MAPK4: variants seen among roughly 807,000 people sequenced by gnomAD.
The protein encoded by MAPK4 is mitogen-activated protein kinase 4, also known as Erk3-related.
In MAPK4, 22 loss-of-function variants were observed where a neutral mutation model predicts 47.7. That is an observed-to-expected ratio of 0.46 (90% CI 0.33 to 0.66). MAPK4 has a LOEUF of 0.66. Among genes scored for constraint, MAPK4 ranks in the 30% least tolerant of loss-of-function variants. The probability of loss-of-function intolerance (pLI) is 0.02; values close to 1 mark genes in which losing one functional copy is unlikely to be tolerated. For synonymous variants in MAPK4, 390 were observed against 365.7 expected, an observed-to-expected ratio of 1.07 and a Z score of -0.76; for missense variants, 736 against 831.7, an observed-to-expected ratio of 0.88 and a Z score of 1.42.
At position 50,691,656 on chromosome 18, in the gene MAPK4, C is replaced by T. The variant is rs996565094; in HGVS notation, c.547-23423C>T. 6.6e-5 allele frequency among the ~76,000 whole-genome samples: 10 copies of T among 152,198 alleles called. No homozygotes were observed. The East Asian group carries it at 1.9e-3, about 29-fold the overall frequency. The stretch of plus-strand genomic sequence containing the variant: ...GCAGTTTTCCAGAACCAATCATTCT[C>T]AAGTCAGGGCATATGGAAAAGAGAC... On this transcript the variant is annotated intron_variant, in intron 2 of 5. Coordinates refer to ENST00000400384, the MANE Select transcript of MAPK4 (RefSeq NM_002747.4).
chr18:50,604,874 CT>C (rs774016046), intron 1 of MAPK4, among the ~76,000 whole-genome samples: 10 of 152,226 alleles, frequency 6.6e-5, no homozygotes, highest in Non-Finnish European at 5.9e-5. Flanking sequence ...TCTGACTTGT[CT>C]TGTGCAGAGA....
chr18:50,579,203 G>A (rs577796582), intron 1 of MAPK4, among the ~76,000 whole-genome samples: 12 of 152,240 alleles, frequency 7.9e-5, no homozygotes, highest in East Asian at 3.9e-4. Flanking sequence ...GAACATGCAC[G>A]TGCAGGAGAC....
At chr18:50,706,979 G>A (rs535853233) in intron 2 of MAPK4, among the ~76,000 whole-genome samples, 1 of 152,336 alleles carries the variant, frequency 6.6e-6, no homozygotes, top group South Asian at 2.1e-4. Flanking sequence ...TTATCAGACG[G>A]TGAGCTCTAG....
At chr18:50,712,645 C>T (rs536635218) in intron 2 of MAPK4, among the ~76,000 whole-genome samples, 1 of 151,998 alleles carries the variant, frequency 6.6e-6, no homozygotes, top group Non-Finnish European at 1.5e-5. Context: ...ATGTCAACAT[C>T]TTTCTTTTAC....
intron 1 of MAPK4, among the ~76,000 whole-genome samples, chr18:50,628,392 G>A (rs2042800176): frequency 6.6e-6 from 1 of 152,158 alleles, no homozygotes. Context: ...TGGGGCCTGG[G>A]TTCCCTTGAA....
chr18:50,583,158 G>A (rs773662914), intron 1 of MAPK4, among the ~76,000 whole-genome samples: 3 of 152,146 alleles, frequency 2.0e-5, no homozygotes, highest in Non-Finnish European at 4.4e-5. Flanking sequence ...TGAAAGAGGG[G>A]ACCCTGAAAG....
At chr18:50,562,505 A>C (rs1215281129) in intron 1 of MAPK4, among the ~76,000 whole-genome samples, 3 of 152,048 alleles carry the variant, frequency 2.0e-5, no homozygotes, top group Non-Finnish European at 1.5e-5. Context: ...GGGCCAGCTG[A>C]ACCTTCCAGC....
At chr18:50,627,329 G>A (rs747157264) in intron 1 of MAPK4, among the ~76,000 whole-genome samples, 5 of 152,198 alleles carry the variant, frequency 3.3e-5, no homozygotes, top group Admixed American at 6.5e-5. Context: ...GGTTCTGAAA[G>A]CAAGAAGCTG....
At chr18:50,661,987 G>A (rs929842122) in intron 1 of MAPK4, among the ~76,000 whole-genome samples, 16 of 152,124 alleles carry the variant, frequency 1.1e-4, no homozygotes, top group African/African-American at 3.9e-4. Context: ...CTTTACAGGC[G>A]ATCTGATTGT....
intron 2 of MAPK4, 123 bp from the exon 3 acceptor site, chr18:50,714,956 A>C: frequency 1.1e-6 from 1 of 943,512 alleles, no homozygotes; most frequent in Non-Finnish European, 1.6e-6. Flanking sequence ...TCAATGGGAA[A>C]GGGGCAAGAA....
intron 1 of MAPK4, among the ~76,000 whole-genome samples, chr18:50,652,915 A>T (rs1013442548): frequency 6.6e-6 from 1 of 152,154 alleles, no homozygotes; most frequent in Non-Finnish European, 1.5e-5. Flanking sequence ...CTGGGTATGG[A>T]TTACACCTGT....
chr18:50,677,779 T>C (rs1052181242), intron 2 of MAPK4, among the ~76,000 whole-genome samples: 3 of 152,162 alleles, frequency 2.0e-5, no homozygotes, highest in Non-Finnish European at 4.4e-5. Flanking sequence ...GGTCTCAAAC[T>C]CCTGAGCTCA....
intron 1 of MAPK4, among the ~76,000 whole-genome samples, chr18:50,658,803 G>A (rs759098689): frequency 2.6e-5 from 4 of 152,164 alleles, no homozygotes; most frequent in East Asian, 1.9e-4. Flanking sequence ...GGATAGTGTC[G>A]CCTTGAGGGG....
chr18:50,712,605 T>G (rs1910434008), intron 2 of MAPK4, among the ~76,000 whole-genome samples: 2 of 151,478 alleles, frequency 1.3e-5, no homozygotes, highest in Non-Finnish European at 2.9e-5. Context: ...TGACCTGGTC[T>G]GTAATTCTGG....
At chr18:50,568,305 A>G (rs373043367) in intron 1 of MAPK4, among the ~76,000 whole-genome samples, 1 of 152,200 alleles carries the variant, frequency 6.6e-6, no homozygotes, top group Admixed American at 6.5e-5. Context: ...GTTGATAGTC[A>G]TAGAGCTGCT....
At chr18:50,608,623 A>C (rs931537013) in intron 1 of MAPK4, among the ~76,000 whole-genome samples, 1 of 152,248 alleles carries the variant, frequency 6.6e-6, no homozygotes, top group Non-Finnish European at 1.5e-5. Context: ...TTTATCAAGC[A>C]CTTGCTTGCC....
intron 1 of MAPK4, among the ~76,000 whole-genome samples, chr18:50,647,902 C>T (rs1360267177): frequency 3.3e-5 from 5 of 152,160 alleles, no homozygotes; most frequent in Admixed American, 1.3e-4. Flanking sequence ...TCACTTCCCC[C>T]AAGCACCTCT....
At chr18:50,593,485 C>A (rs181958532) in intron 1 of MAPK4, among the ~76,000 whole-genome samples, 4 of 152,202 alleles carry the variant, frequency 2.6e-5, no homozygotes, top group Admixed American at 2.0e-4. Flanking sequence ...AGCAGATAAC[C>A]CGCAGTCTTT....
intron 1 of MAPK4, among the ~76,000 whole-genome samples, chr18:50,619,338 A>C (rs74770790): frequency 0.12 from 17,952 of 152,128 alleles, 1,221 homozygotes; most frequent in Middle Eastern, 0.19. Flanking sequence ...TTTATTTTAG[A>C]GACAAGGTCT....
Sources: gnomAD v4.1 joint callset for allele counts (sites outside exome capture counted in the v4.1 genomes callset) on GRCh38, gnomAD v4.1.1 for gene constraint, MANE v1.5 for transcripts, NCBI Gene and HGNC (gene_info 2026-07-23, HGNC 2026-07-21) for gene names.